The following ALG14 variants were observed in gnomAD, a reference collection of about 807,000 sequenced individuals.
ALG14 encodes ALG14 UDP-N-acetylglucosaminyltransferase subunit.
Under a neutral mutation model 22.8 loss-of-function variants are expected in ALG14, and 17 were observed. The observed-to-expected ratio is 0.75, with a 90% CI of 0.51 to 1.12. ALG14 has a LOEUF of 1.12. ALG14 is among the 50% of genes most tolerant of loss of function. The probability of loss-of-function intolerance (pLI) is 0.00; values close to 1 mark genes in which losing one functional copy is unlikely to be tolerated. For missense variants in ALG14, 288 were observed against 271.8 expected, an observed-to-expected ratio of 1.06 and a Z score of -0.42; for synonymous variants, 89 against 103.7, an observed-to-expected ratio of 0.86 and a Z score of 0.86.
chr1:95,055,620 G>A (rs1237835143), intron 2 of ALG14, among the ~76,000 whole-genome samples: 1 of 151,886 alleles, frequency 6.6e-6, no homozygotes, highest in African/African-American at 2.4e-5. Context: ...TCAATTTAAT[G>A]CAAATAAAGA....
intron 3 of ALG14, among the ~76,000 whole-genome samples, chr1:95,019,426 C>A (rs1265841354): frequency 6.6e-6 from 1 of 152,180 alleles, no homozygotes; most frequent in Non-Finnish European, 1.5e-5. Flanking sequence ...ATAATGCTAA[C>A]ACAGCTTTTG....
intron 3 of ALG14, among the ~76,000 whole-genome samples, chr1:95,018,927 T>C (rs1372373525): frequency 2.6e-5 from 4 of 152,228 alleles, no homozygotes; most frequent in South Asian, 4.1e-4. Flanking sequence ...GTAAATCTTG[T>C]GAAAAATAAC....
intron 3 of ALG14, among the ~76,000 whole-genome samples, chr1:95,006,402 A>G (rs1031915771): frequency 1.3e-5 from 2 of 152,226 alleles, no homozygotes; most frequent in Non-Finnish European, 1.5e-5. Flanking sequence ...AAAAAGGATT[A>G]CAATAGGTTT....
chr1:95,003,464 T>C (rs1422905513), intron 3 of ALG14, among the ~76,000 whole-genome samples: 2 of 151,752 alleles, frequency 1.3e-5, no homozygotes, highest in Non-Finnish European at 2.9e-5. Context: ...TTTTTTTTTT[T>C]TTTGAGACAG....
At chr1:94,992,294 G>A (rs925168632) in intron 3 of ALG14, among the ~76,000 whole-genome samples, 12 of 152,078 alleles carry the variant, frequency 7.9e-5, no homozygotes, top group African/African-American at 9.7e-5. Flanking sequence ...CCAGGTGATC[G>A]GAATTTTTCA....
At chr1:95,063,934 G>C (rs1675258785) in intron 2 of ALG14, among the ~76,000 whole-genome samples, 1 of 152,140 alleles carries the variant, frequency 6.6e-6, no homozygotes, top group Non-Finnish European at 1.5e-5. Context: ...ATTTCCATTT[G>C]TTTGTGTCCT....
intron 3 of ALG14, among the ~76,000 whole-genome samples, chr1:94,986,930 G>A (rs58810066): frequency 0.08 from 12,130 of 152,134 alleles, 511 homozygotes; most frequent in African/African-American, 0.11. Context: ...TCAGAGCATC[G>A]AATTCCCCTG....
At chr1:95,062,390 C>G (rs1260205708) in intron 2 of ALG14, among the ~76,000 whole-genome samples, 3 of 152,068 alleles carry the variant, frequency 2.0e-5, no homozygotes, top group African/African-American at 7.2e-5. Flanking sequence ...CAAATTAATC[C>G]ATTACCTAGG....
At position 95,015,667 on chromosome 1, in the gene ALG14, G is replaced by A. The variant is rs1235180767; in HGVS notation, c.420+11462C>T. Among the ~76,000 whole-genome samples, 3 of 152,322 alleles carry A rather than the reference G, an allele frequency of 2.0e-5. No individual in the cohort carries two copies. The South Asian group carries it at 6.2e-4, about 32-fold the overall frequency. ...TTGAATGGTGGTCCAGCAGGACAGA[G>A]CTGAAATTCATTAGTAAATCCTGAC... On this transcript the variant is annotated intron_variant, in intron 3 of 3. Transcript: ENST00000370205.
chr1:94,985,097 T>C (rs2100712047), intron 3 of ALG14, among the ~76,000 whole-genome samples: 1 of 152,200 alleles, frequency 6.6e-6, no homozygotes, highest in South Asian at 2.1e-4. Context: ...GTTTAGGAGG[T>C]GAAGGAGTTA....
intron 2 of ALG14, among the ~76,000 whole-genome samples, chr1:95,031,276 T>G (rs905421906): frequency 1.3e-5 from 2 of 152,200 alleles, no homozygotes; most frequent in African/African-American, 4.8e-5. Context: ...GGCAGGATAC[T>G]TGTTCAGCAC....
chr1:95,030,820 GA>G (rs1269897070), intron 2 of ALG14, among the ~76,000 whole-genome samples: 1 of 152,190 alleles, frequency 6.6e-6, no homozygotes, highest in African/African-American at 2.4e-5. Context: ...GAGCAGCTAA[GA>G]AAATGGGTTT....
chr1:95,013,736 G>A (rs963771217), intron 3 of ALG14, among the ~76,000 whole-genome samples: 2 of 152,046 alleles, frequency 1.3e-5, no homozygotes, highest in African/African-American at 4.8e-5. Context: ...GACAAAAGAG[G>A]TCAAACAATT....
chr1:95,000,512 C>A (rs71652599), intron 3 of ALG14, among the ~76,000 whole-genome samples: 20 of 126,412 alleles, frequency 1.6e-4, no homozygotes, highest in Admixed American at 9.8e-4. Flanking sequence ...CTCCAGCCTG[C>A]GTAACAGAGC....
chr1:95,005,606 G>A (rs1557948654), intron 3 of ALG14, among the ~76,000 whole-genome samples: 2 of 152,182 alleles, frequency 1.3e-5, no homozygotes, highest in Non-Finnish European at 2.9e-5. Flanking sequence ...AAGCAGTTAA[G>A]CATCCTCTTT....
At chr1:94,993,682 T>C (rs1046909120) in intron 3 of ALG14, among the ~76,000 whole-genome samples, 1 of 152,174 alleles carries the variant, frequency 6.6e-6, no homozygotes, top group South Asian at 2.1e-4. Context: ...ACACGATGAA[T>C]AAGCCTGAGC....
At chr1:95,002,101 C>A (rs1438736838) in intron 3 of ALG14, among the ~76,000 whole-genome samples, 2 of 152,160 alleles carry the variant, frequency 1.3e-5, no homozygotes, top group East Asian at 3.9e-4. Flanking sequence ...GTTGCAGGCA[C>A]AAAGTACCTT....
chr1:95,067,830 T>C (rs1043169624), intron 1 of ALG14, among the ~76,000 whole-genome samples: 31 of 152,170 alleles, frequency 2.0e-4, no homozygotes, highest in African/African-American at 7.5e-4. Flanking sequence ...AGTGGCTTCA[T>C]GTCTCATGTG....
At chr1:94,999,763 T>C (rs1673009356) in intron 3 of ALG14, among the ~76,000 whole-genome samples, 2 of 152,248 alleles carry the variant, frequency 1.3e-5, no homozygotes, top group African/African-American at 4.8e-5. Flanking sequence ...TACAATCTTA[T>C]TATTTTAACT....
Sources: gnomAD v4.1 joint callset for allele counts (sites outside exome capture counted in the v4.1 genomes callset) on GRCh38, gnomAD v4.1.1 for gene constraint, MANE v1.5 for transcripts, NCBI Gene and HGNC (gene_info 2026-07-23, HGNC 2026-07-21) for gene names.